CFAP95: variants seen among roughly 807,000 people sequenced by gnomAD.
The protein encoded by CFAP95 is cilia and flagella associated protein 95.
the CFAP95 span, among the ~76,000 whole-genome samples, chr9:69,878,971 C>CA: frequency 1.3e-5 from 2 of 152,252 alleles, no homozygotes; most frequent in South Asian, 4.1e-4. Flanking sequence ...GCAGGAGCTA[C>CA]ACACTTTTAT....
the CFAP95 span, among the ~76,000 whole-genome samples, chr9:69,897,828 G>A: frequency 6.6e-6 from 1 of 151,934 alleles, no homozygotes; most frequent in African/African-American, 2.4e-5. Flanking sequence ...ATGAGGGAAG[G>A]TGGGTTGGGG....
At chr9:69,836,579 C>G in the CFAP95 span, among the ~76,000 whole-genome samples, 1 of 151,450 alleles carries the variant, frequency 6.6e-6, no homozygotes, top group East Asian at 1.9e-4. Flanking sequence ...ATTGTGAACT[C>G]AATTCAGTGG....
At chr9:69,896,996 G>T in the CFAP95 span, among the ~76,000 whole-genome samples, 1 of 152,180 alleles carries the variant, frequency 6.6e-6, no homozygotes, top group Non-Finnish European at 1.5e-5. Context: ...GGTCCCCAGG[G>T]CAGATAAGGT....
the CFAP95 span, among the ~76,000 whole-genome samples, chr9:69,846,331 G>A: frequency 2.6e-5 from 4 of 152,078 alleles, no homozygotes; most frequent in East Asian, 1.9e-4. Flanking sequence ...ATGAGAATGT[G>A]TAAATAAATA....
At chr9:69,821,043 C>A in the CFAP95 span, 1 of 1,611,066 alleles carries the variant, frequency 6.2e-7, no homozygotes, top group Non-Finnish European at 8.5e-7. Context: ...TGAGCGAAGT[C>A]CCCTCGCAAG....
chr9:69,830,047 C>A, the CFAP95 span, among the ~76,000 whole-genome samples: 1 of 152,132 alleles, frequency 6.6e-6, no homozygotes, highest in African/African-American at 2.4e-5. Context: ...ACAACTGGAA[C>A]GAGGGATGAA....
At chr9:69,835,947 C>T in the CFAP95 span, among the ~76,000 whole-genome samples, 1 of 152,174 alleles carries the variant, frequency 6.6e-6, no homozygotes, top group Non-Finnish European at 1.5e-5. Flanking sequence ...TGACACGGAG[C>T]TGGGCCCTCT....
At chr9:69,838,665 A>C in the CFAP95 span, among the ~76,000 whole-genome samples, 1 of 152,064 alleles carries the variant, frequency 6.6e-6, no homozygotes, top group African/African-American at 2.4e-5. Flanking sequence ...ATATATAATC[A>C]TGTCGTCTGC....
the CFAP95 span, among the ~76,000 whole-genome samples, chr9:69,843,672 T>C: frequency 1.4e-5 from 2 of 145,348 alleles, no homozygotes; most frequent in Non-Finnish European, 3.0e-5. Context: ...TGAGACAGGG[T>C]CTTATTCTGT....
the CFAP95 span, among the ~76,000 whole-genome samples, chr9:69,845,646 G>A: frequency 8.9e-4 from 136 of 152,212 alleles, 3 homozygotes; most frequent in South Asian, 0.027. Context: ...AATAAGGATC[G>A]CCTGGAGAAT....
chr9:69,904,215 C>G, the CFAP95 span, among the ~76,000 whole-genome samples: 1 of 152,216 alleles, frequency 6.6e-6, no homozygotes, highest in African/African-American at 2.4e-5. Flanking sequence ...CCCATTCCTT[C>G]CCATCATCCC....
the CFAP95 span, among the ~76,000 whole-genome samples, chr9:69,847,065 G>A: frequency 6.6e-6 from 1 of 152,204 alleles, no homozygotes; most frequent in South Asian, 2.1e-4. Flanking sequence ...ACCTAAATGT[G>A]AGAGGTCATG....
At chr9:69,898,498 C>T in the CFAP95 span, among the ~76,000 whole-genome samples, 1 of 152,156 alleles carries the variant, frequency 6.6e-6, no homozygotes, top group African/African-American at 2.4e-5. Flanking sequence ...GCACAAGGAG[C>T]TTCCATATAT....
At chr9:69,821,016 T>G in the CFAP95 span, 1 of 1,613,346 alleles carries the variant, frequency 6.2e-7, no homozygotes, top group Non-Finnish European at 8.5e-7. Flanking sequence ...TCGAAGCCGG[T>G]GTTGGTGTAT....
chr9:69,837,364 C>T, the CFAP95 span, among the ~76,000 whole-genome samples: 1 of 151,842 alleles, frequency 6.6e-6, no homozygotes, highest in African/African-American at 2.4e-5. Flanking sequence ...AAAAGTGTTC[C>T]TGTTTCTCCA....
the CFAP95 span, among the ~76,000 whole-genome samples, chr9:69,864,890 T>C: frequency 2.0e-5 from 3 of 152,224 alleles, no homozygotes; most frequent in African/African-American, 7.2e-5. Flanking sequence ...TGGTAAAATA[T>C]TACCCAGTTG....
chr9:69,820,840 C>A, the CFAP95 span: 1 of 1,600,386 alleles, frequency 6.2e-7, no homozygotes, highest in Non-Finnish European at 8.5e-7. Flanking sequence ...AGGACAGGTG[C>A]ATAGGGAACT....
chr9:69,878,182 G>T, the CFAP95 span, among the ~76,000 whole-genome samples: 1 of 152,174 alleles, frequency 6.6e-6, no homozygotes, highest in South Asian at 2.1e-4. Flanking sequence ...ACAGCCCTAG[G>T]ATCCTTATTT....
At chr9:69,866,828 C>T in the CFAP95 span, among the ~76,000 whole-genome samples, 45 of 152,298 alleles carry the variant, frequency 3.0e-4, no homozygotes, top group Admixed American at 7.2e-4. Flanking sequence ...TTAAACTACC[C>T]GGGCTCCTGG....
Sources: allele counts gnomAD v4.1 joint callset (sites outside exome capture counted in the v4.1 genomes callset), GRCh38; gene constraint gnomAD v4.1.1; transcripts MANE v1.5; gene names NCBI Gene and HGNC (gene_info 2026-07-23, HGNC 2026-07-21).